KDM2B: variants seen among roughly 807,000 people sequenced by gnomAD.
KDM2B encodes the protein lysine-specific demethylase 2B.
A neutral mutation model predicts 150.0 loss-of-function variants in KDM2B; 26 were observed. The observed-to-expected ratio is 0.17, with a 90% CI of 0.13 to 0.24. The LOEUF (loss-of-function observed/expected upper bound fraction) is 0.24, where lower values mean the gene tolerates loss of function less well. KDM2B is among the 10% of genes least tolerant of loss of function. The probability of loss-of-function intolerance (pLI) is 1.00; values close to 1 mark genes in which losing one functional copy is unlikely to be tolerated. For synonymous variants in KDM2B, 734 were observed against 729.5 expected (o/e 1.01, Z -0.10); for missense variants, 1,265 against 1,816.9 (o/e 0.70, Z 5.52).
At chr12:121,466,730 G>A (rs1593848463) in intron 12 of KDM2B, among the ~76,000 whole-genome samples, 1 of 149,750 alleles carries the variant, frequency 6.7e-6, no homozygotes, top group Non-Finnish European at 1.5e-5. Context: ...CGCAGAGGCA[G>A]GAGGTGCCGG....
intron 6 of KDM2B, among the ~76,000 whole-genome samples, chr12:121,536,925 C>G (rs73224282): frequency 0.017 from 2,540 of 152,296 alleles, 45 homozygotes; most frequent in Non-Finnish European, 0.024. Context: ...GCAACCCCGA[C>G]CTCCCCAGCA....
chr12:121,519,995 C>T (rs1474999891), intron 9 of KDM2B, among the ~76,000 whole-genome samples: 3 of 152,086 alleles, frequency 2.0e-5, no homozygotes, highest in African/African-American at 7.2e-5. Context: ...CGGGCTCAAA[C>T]GACCCTCCCA....
At chr12:121,451,470 C>T (rs2138679651) in intron 13 of KDM2B, among the ~76,000 whole-genome samples, 1 of 152,220 alleles carries the variant, frequency 6.6e-6, no homozygotes, top group South Asian at 2.1e-4. Context: ...TGCCCCAACC[C>T]TTGTGTTGTT....
At chr12:121,574,922 C>T (rs1326700622) in intron 3 of KDM2B, among the ~76,000 whole-genome samples, 2 of 152,186 alleles carry the variant, frequency 1.3e-5, no homozygotes, top group Admixed American at 6.5e-5. Context: ...CATTCAAATG[C>T]CTGCTTTCTT....
chr12:121,544,757 A>T (rs1038791611), intron 6 of KDM2B, among the ~76,000 whole-genome samples: 1 of 151,788 alleles, frequency 6.6e-6, no homozygotes, highest in Non-Finnish European at 1.5e-5. Flanking sequence ...TACTAAAAAT[A>T]CAAAAATTAG....
intron 22 of KDM2B, among the ~76,000 whole-genome samples, chr12:121,439,528 G>T (rs1372034718): frequency 6.6e-6 from 1 of 151,686 alleles, no homozygotes; most frequent in Non-Finnish European, 1.5e-5. Flanking sequence ...TACAGGCGCC[G>T]GCCACCAACC....
intron 14 of KDM2B, 37 bp from the exon 15 acceptor site, chr12:121,444,573 G>T (rs563000937): frequency 3.2e-6 from 5 of 1,571,582 alleles, no homozygotes; most frequent in Non-Finnish European, 4.4e-6. Flanking sequence ...AGGGACGGGC[G>T]GAGAAGATGG....
chr12:121,565,988 G>A (rs761941795), intron 4 of KDM2B, among the ~76,000 whole-genome samples: 1 of 151,134 alleles, frequency 6.6e-6, no homozygotes, highest in East Asian at 1.9e-4. Context: ...CATCCATATG[G>A]GAAAAAAGGG....
At chr12:121,493,357 T>C (rs1555300276) in intron 12 of KDM2B, among the ~76,000 whole-genome samples, 1 of 152,106 alleles carries the variant, frequency 6.6e-6, no homozygotes, top group Non-Finnish European at 1.5e-5. Context: ...CCTTATCTCA[T>C]TTAGTTCTGA....
chr12:121,524,598 A>C, intron 8 of KDM2B: 1 of 366,992 alleles, frequency 2.7e-6, no homozygotes, highest in South Asian at 2.0e-5. Context: ...CTCTGCTCAC[A>C]TCTGCTTCAT....
intron 8 of KDM2B, among the ~76,000 whole-genome samples, chr12:121,532,553 A>C (rs1887748727): frequency 6.6e-6 from 1 of 152,202 alleles, no homozygotes; most frequent in Admixed American, 6.5e-5. Flanking sequence ...CTGCACAGGG[A>C]TTCGAGTCTC....
chr12:121,408,777 C>T, the KDM2B span, among the ~76,000 whole-genome samples: 1 of 152,174 alleles, frequency 6.6e-6, no homozygotes. Flanking sequence ...AAATCACTGA[C>T]TTTCTCCTCA....
intron 4 of KDM2B, among the ~76,000 whole-genome samples, chr12:121,562,666 AG>A (rs1434380692): frequency 6.9e-6 from 1 of 145,700 alleles, no homozygotes; most frequent in African/African-American, 2.5e-5. Context: ...AGGAGGAGGA[AG>A]GGGGGAGGAA....
At chr12:121,541,101 A>G (rs1038173167) in intron 6 of KDM2B, among the ~76,000 whole-genome samples, 9 of 152,086 alleles carry the variant, frequency 5.9e-5, no homozygotes, top group African/African-American at 2.2e-4. Flanking sequence ...CCGTGGTGGC[A>G]CATGCCTGTA....
At chr12:121,526,417 A>AAGAT (rs1887138061) in intron 8 of KDM2B, among the ~76,000 whole-genome samples, 1 of 152,204 alleles carries the variant, frequency 6.6e-6, no homozygotes, top group Non-Finnish European at 1.5e-5. Flanking sequence ...AGAGTCAAGA[A>AAGAT]GGAGGACCAG....
intron 2 of KDM2B, among the ~76,000 whole-genome samples, chr12:121,577,524 C>T (rs1159989276): frequency 6.6e-6 from 1 of 152,144 alleles, no homozygotes; most frequent in Non-Finnish European, 1.5e-5. Flanking sequence ...CGGAGCCCAG[C>T]GCTCCAGGAG....
At chr12:121,485,676 G>A (rs1882675885) in intron 12 of KDM2B, among the ~76,000 whole-genome samples, 1 of 152,072 alleles carries the variant, frequency 6.6e-6, no homozygotes, top group South Asian at 2.1e-4. Context: ...CTTCTGTTTG[G>A]GGTGATGAAA....
intron 12 of KDM2B, among the ~76,000 whole-genome samples, chr12:121,478,361 CT>C (rs34310054): frequency 1.0e-3 from 140 of 136,950 alleles, no homozygotes; most frequent in Admixed American, 1.2e-3. Flanking sequence ...CAAGTAGATC[CT>C]TTTTTTTTTT....
At chr12:121,554,271 T>A (rs1555312315) in intron 4 of KDM2B, among the ~76,000 whole-genome samples, 1 of 152,096 alleles carries the variant, frequency 6.6e-6, no homozygotes, top group African/African-American at 2.4e-5. Flanking sequence ...ATGAATTGTA[T>A]GGTCTGTGAC....
Sources: gnomAD v4.1 joint callset for allele counts (sites outside exome capture counted in the v4.1 genomes callset) on GRCh38, gnomAD v4.1.1 for gene constraint, MANE v1.5 for transcripts, NCBI Gene and HGNC (gene_info 2026-07-23, HGNC 2026-07-21) for gene names.